Variants in BRD10 observed in about 807,000 individuals in gnomAD.
BRD10 encodes the protein uncharacterized bromodomain-containing protein 10.
chr9:6,007,371 C>T, the BRD10 span: 1 of 1,613,134 alleles, frequency 6.2e-7, no homozygotes, highest in Non-Finnish European at 8.5e-7. Context: ...CCATCTGCAG[C>T]AGACACATGC....
chr9:5,994,463 T>C, the BRD10 span, among the ~76,000 whole-genome samples: 7 of 152,304 alleles, frequency 4.6e-5, no homozygotes, highest in African/African-American at 1.7e-4. Flanking sequence ...TTAAAGACCA[T>C]TAAACTTACT....
chr9:5,940,463 G>C, the BRD10 span, among the ~76,000 whole-genome samples: 1 of 152,134 alleles, frequency 6.6e-6, no homozygotes, highest in Non-Finnish European at 1.5e-5. Context: ...AAAGTGCTGG[G>C]ATTACAGGCG....
At chr9:5,996,925 C>G in the BRD10 span, among the ~76,000 whole-genome samples, 1 of 152,136 alleles carries the variant, frequency 6.6e-6, no homozygotes, top group Admixed American at 6.5e-5. Flanking sequence ...CTAATGTTCC[C>G]TAGAAGATGC....
the BRD10 span, chr9:5,920,259 T>C: frequency 1.1e-5 from 18 of 1,613,818 alleles, no homozygotes; most frequent in African/African-American, 6.7e-5. Context: ...TTAGTAGATA[T>C]AAGGAGAACA....
chr9:5,926,765 T>A, the BRD10 span, among the ~76,000 whole-genome samples: 1 of 152,254 alleles, frequency 6.6e-6, no homozygotes, highest in African/African-American at 2.4e-5. Flanking sequence ...TCTCCTGACC[T>A]CGTGATCTGC....
the BRD10 span, among the ~76,000 whole-genome samples, chr9:5,932,771 A>T: frequency 2.6e-5 from 4 of 152,126 alleles, no homozygotes; most frequent in African/African-American, 9.7e-5. Flanking sequence ...TCCTTCCACT[A>T]TACAATGCTG....
At chr9:6,004,810 A>G in the BRD10 span, among the ~76,000 whole-genome samples, 1 of 152,200 alleles carries the variant, frequency 6.6e-6, no homozygotes, top group East Asian at 1.9e-4. Context: ...GTTGTGACCT[A>G]TGCTTTTCTC....
At chr9:5,995,104 T>C in the BRD10 span, among the ~76,000 whole-genome samples, 1 of 152,282 alleles carries the variant, frequency 6.6e-6, no homozygotes, top group East Asian at 1.9e-4. Context: ...TTTCTCCATG[T>C]TGGTCAGGCT....
the BRD10 span, among the ~76,000 whole-genome samples, chr9:6,000,995 C>G: frequency 2.0e-5 from 3 of 152,138 alleles, no homozygotes; most frequent in African/African-American, 7.2e-5. Context: ...ACTCCACATG[C>G]ACTCTTATAA....
At chr9:5,974,228 T>C in the BRD10 span, among the ~76,000 whole-genome samples, 2 of 152,256 alleles carry the variant, frequency 1.3e-5, no homozygotes, top group Non-Finnish European at 2.9e-5. Context: ...CAGAACAGTA[T>C]CTTTAAAGTG....
chr9:5,978,940 T>C, the BRD10 span, among the ~76,000 whole-genome samples: 2 of 152,244 alleles, frequency 1.3e-5, no homozygotes, highest in African/African-American at 4.8e-5. Flanking sequence ...TTCTGGCATC[T>C]ATCCTGGGAA....
At chr9:5,972,311 T>C in the BRD10 span, among the ~76,000 whole-genome samples, 6 of 152,142 alleles carry the variant, frequency 3.9e-5, no homozygotes, top group Middle Eastern at 3.2e-3. Flanking sequence ...AAGGAGATTA[T>C]AAAAAATGAC....
chr9:5,995,638 C>G, the BRD10 span, among the ~76,000 whole-genome samples: 1,087 of 152,192 alleles, frequency 7.1e-3, 18 homozygotes, highest in African/African-American at 0.025. Context: ...TTAGGAAATG[C>G]AAAGGGTATT....
At chr9:5,942,988 C>A in the BRD10 span, among the ~76,000 whole-genome samples, 1 of 152,154 alleles carries the variant, frequency 6.6e-6, no homozygotes, top group African/African-American at 2.4e-5. Context: ...AGTGATCCTC[C>A]TGCCTCAGCC....
chr9:5,922,726 C>T, the BRD10 span: 3 of 1,613,938 alleles, frequency 1.9e-6, no homozygotes, highest in East Asian at 4.5e-5. Flanking sequence ...TAGGATCCAC[C>T]ATAGGCTGCA....
chr9:5,929,462 A>C, the BRD10 span, among the ~76,000 whole-genome samples: 1 of 152,176 alleles, frequency 6.6e-6, no homozygotes, highest in Non-Finnish European at 1.5e-5. Flanking sequence ...ATATGTAAAA[A>C]CACAAACATT....
the BRD10 span, chr9:5,909,386 G>A: frequency 6.6e-6 from 1 of 152,370 alleles, no homozygotes; most frequent in Admixed American, 6.5e-5. Flanking sequence ...AGCCTCCTGA[G>A]TAGCTGGGAT....
At chr9:5,926,225 A>T in the BRD10 span, among the ~76,000 whole-genome samples, 1 of 151,960 alleles carries the variant, frequency 6.6e-6, no homozygotes, top group African/African-American at 2.4e-5. Flanking sequence ...CATGTTCTCC[A>T]ATTTATTTTT....
chr9:6,006,976 C>G, the BRD10 span, among the ~76,000 whole-genome samples: 1 of 152,220 alleles, frequency 6.6e-6, no homozygotes, highest in Non-Finnish European at 1.5e-5. Context: ...GCTGCAGACT[C>G]GGGTTTCCTT....
Sources: gnomAD v4.1 joint callset for allele counts (sites outside exome capture counted in the v4.1 genomes callset) on GRCh38, gnomAD v4.1.1 for gene constraint, MANE v1.5 for transcripts, NCBI Gene and HGNC (gene_info 2026-07-23, HGNC 2026-07-21) for gene names.